The following LTBP1 variants were observed in gnomAD, a reference collection of about 807,000 sequenced individuals.
LTBP1 encodes latent transforming growth factor beta binding protein 1, also known as latent-transforming growth factor beta-binding protein 1.
In LTBP1, 129 loss-of-function variants were observed where a neutral mutation model predicts 207.6. The observed-to-expected ratio is 0.62, with a 90% CI of 0.54 to 0.72. The LOEUF (loss-of-function observed/expected upper bound fraction) is 0.72. LTBP1 is among the 30% of genes least tolerant of loss of function. The pLI is 0.00. For missense variants in LTBP1, 2,281 were observed against 2,217.2 expected (o/e 1.03, Z -0.58); for synonymous variants, 963 against 833.7 (o/e 1.16, Z -2.67).
intron 3 of LTBP1, among the ~76,000 whole-genome samples, chr2:33,105,803 T>C (rs1572659395): frequency 6.6e-6 from 1 of 152,228 alleles, no homozygotes; most frequent in East Asian, 1.9e-4. Flanking sequence ...GTGCTGAAGG[T>C]TGGGGTGACT....
chr2:33,212,062 T>C (rs918571977), intron 7 of LTBP1, among the ~76,000 whole-genome samples: 6 of 152,242 alleles, frequency 3.9e-5, no homozygotes, highest in African/African-American at 1.4e-4. Context: ...AAAGGTTTTT[T>C]TCACTATTGC....
At chr2:33,176,504 C>A (rs61609498) in intron 5 of LTBP1, among the ~76,000 whole-genome samples, 11,978 of 152,158 alleles carry the variant, frequency 0.079, 1,008 homozygotes, top group African/African-American at 0.21. Flanking sequence ...AGATTACAGT[C>A]GTGAGCCACC....
chr2:33,180,492 C>T (rs1028579310), intron 5 of LTBP1, among the ~76,000 whole-genome samples: 1 of 147,946 alleles, frequency 6.8e-6, no homozygotes, highest in African/African-American at 2.5e-5. Flanking sequence ...CACTCTGTCA[C>T]TGAGGCTGGA....
Position 33,292,609 on chromosome 2 carries a change from A to G in LTBP1, c.3113-551A>G, listed in dbSNP as rs186996500. Among the ~76,000 whole-genome samples the G allele has an allele frequency of 2.0e-5, 3 of 152,362 alleles. No homozygotes were observed. The East Asian group carries it at 5.8e-4, about 29-fold the overall frequency. ...CTCTTCAGCGTGTGCCCTACCTTCA[A>G]ACTGCCCAGTAGGCTTGTGTTTGTC... On this transcript the variant is annotated intron_variant, in intron 19 of 33. Coordinates refer to ENST00000404816, the MANE Select transcript of LTBP1 (RefSeq NM_206943.4).
At chr2:33,252,616 T>C in intron 10 of LTBP1, 61 bp from the exon 11 acceptor site, 5 of 1,474,228 alleles carry the variant, frequency 3.4e-6, no homozygotes, top group Non-Finnish European at 4.6e-6. Flanking sequence ...TTACTATCAT[T>C]TGGAAAGCCA....
intron 9 of LTBP1, among the ~76,000 whole-genome samples, chr2:33,234,679 G>A (rs541433788): frequency 4.6e-4 from 70 of 152,024 alleles, no homozygotes; most frequent in African/African-American, 8.7e-4. Flanking sequence ...TGCTATCCCC[G>A]TCAAGCTACC....
In LTBP1 at chr2:33,273,740, A is replaced by C. The variant is rs1469159304; in HGVS notation, c.2702A>C (p.Tyr901Ser). 1 of 1,611,338 alleles carries C rather than the reference A, an allele frequency of 6.2e-7. No individual in the cohort carries two copies. The highest frequency in any genetic ancestry group is 2.2e-5 in the East Asian group (1 of 44,714). ...NLPVRYTCIC[Y>S]EGYRFSEQQR... ...CCAGTGAGATATACCTGTATATGCT[A>C]CGAGGGCTACAGGTTCAGTGAACAA... Residue 901 changes from tyrosine (Y) to serine (S), a missense_variant, in exon 16 of 34, where the codon TAC becomes TCC. Physicochemically the swap from Tyr to Ser is moderately radical, Grantham distance 144. This residue lies in a region of LTBP1 where 1,671 missense variants were observed against 1,634.8 expected (regional missense o/e 1.02). Coordinates refer to ENST00000404816, the MANE Select transcript of LTBP1 (RefSeq NM_206943.4).
At chr2:33,254,605 T>C (rs2092781319) in intron 11 of LTBP1, among the ~76,000 whole-genome samples, 1 of 149,336 alleles carries the variant, frequency 6.7e-6, no homozygotes, top group African/African-American at 2.5e-5. Context: ...TTTGTTTTTG[T>C]TTTTATTATA....
At chr2:33,277,301 C>T (rs1463432472) in intron 18 of LTBP1, among the ~76,000 whole-genome samples, 1 of 151,952 alleles carries the variant, frequency 6.6e-6, no homozygotes, top group East Asian at 1.9e-4. Context: ...AGTTTTGTAC[C>T]CTCCCCGAGG....
At chr2:33,061,150 T>C (rs1298597238) in intron 3 of LTBP1, among the ~76,000 whole-genome samples, 1 of 152,136 alleles carries the variant, frequency 6.6e-6, no homozygotes, top group Admixed American at 6.5e-5. Context: ...TAACCAAATA[T>C]GGTGGGTTTT....
intron 3 of LTBP1, among the ~76,000 whole-genome samples, chr2:33,101,920 AAC>A (rs2079762811): frequency 6.6e-6 from 1 of 152,130 alleles, no homozygotes; most frequent in South Asian, 2.1e-4. Context: ...AGAATTTTTG[AAC>A]ACAGTTACCT....
chr2:33,215,529 C>G (rs552458560), intron 7 of LTBP1, among the ~76,000 whole-genome samples: 2 of 152,168 alleles, frequency 1.3e-5, no homozygotes, highest in East Asian at 3.9e-4. Context: ...AGTTACTTAG[C>G]GCCTCAGTCA....
chr2:33,033,239 A>G (rs2075768364), intron 3 of LTBP1, among the ~76,000 whole-genome samples: 1 of 151,766 alleles, frequency 6.6e-6, no homozygotes, highest in Non-Finnish European at 1.5e-5. Flanking sequence ...CATTTTTAGT[A>G]GAGAGCTATA....
chr2:33,188,724 G>A lies in LTBP1; in HGVS notation c.1574G>A (p.Gly525Glu). ...GGCCAATCCCAAGTCTCGTACCAAG[G>A]GCTTCCTGTCCAGAAGACCCAGACC... ...QPGQSQVSYQ[G>E]LPVQKTQTIH... The change falls in exon 7 of 34, where the codon GGG becomes GAG. Residue 525 changes from glycine (G) to glutamate (E), a missense_variant. Around this residue, in one of 3 missense-constraint regions of LTBP1, gnomAD observed 1,671 missense variants for 1,634.8 expected, o/e 1.02. Transcript: ENST00000404816. 5 of 1,614,096 alleles carry A rather than the reference G, an allele frequency of 3.1e-6. No individual in the cohort carries two copies. The highest frequency in any genetic ancestry group is 4.2e-6 in the Non-Finnish European group (5 of 1,180,028).
intron 9 of LTBP1, among the ~76,000 whole-genome samples, chr2:33,238,318 G>A (rs951011188): frequency 7.9e-5 from 12 of 152,092 alleles, no homozygotes; most frequent in Admixed American, 1.3e-4. Flanking sequence ...ATAAACTTGC[G>A]TCACTAAGAA....
At chr2:33,118,759 T>C (rs2150359305) in intron 4 of LTBP1, among the ~76,000 whole-genome samples, 1 of 152,328 alleles carries the variant, frequency 6.6e-6, no homozygotes, top group South Asian at 2.1e-4. Context: ...AGTCTTGCCA[T>C]GCACGTTATC....
intron 31 of LTBP1, among the ~76,000 whole-genome samples, chr2:33,375,872 C>G (rs1038352918): frequency 1.3e-5 from 2 of 151,930 alleles, no homozygotes; most frequent in African/African-American, 4.8e-5. Flanking sequence ...ATTCAATGTA[C>G]TCAATTTTTA....
intron 31 of LTBP1, among the ~76,000 whole-genome samples, chr2:33,366,951 C>T (rs1216855261): frequency 1.3e-5 from 2 of 152,074 alleles, no homozygotes; most frequent in African/African-American, 4.8e-5. Flanking sequence ...ACATGTATTC[C>T]TCCTAAAGTA....
At chr2:33,315,458 C>G (rs887028809) in intron 24 of LTBP1, among the ~76,000 whole-genome samples, 189 bp downstream of exon 24, 1 of 152,100 alleles carries the variant, frequency 6.6e-6, no homozygotes, top group African/African-American at 2.4e-5. Context: ...AGAGGATAAC[C>G]TAAGGTTATG....
Sources: gnomAD v4.1 joint callset for allele counts (sites outside exome capture counted in the v4.1 genomes callset) on GRCh38, gnomAD v4.1.1 for gene constraint, gnomAD v4.1.1 regional missense constraint, MANE v1.5 for transcripts, NCBI Gene and HGNC (gene_info 2026-07-23, HGNC 2026-07-21) for gene names.